Variants in GDPD4 observed in about 807,000 individuals in gnomAD.
The protein encoded by GDPD4 is glycerophosphodiester phosphodiesterase domain containing 4.
In GDPD4, 60 loss-of-function variants were observed where a neutral mutation model predicts 67.8. The observed-to-expected ratio is 0.88, with a 90% CI of 0.72 to 1.10. The LOEUF is 1.10. GDPD4 is among the 50% of genes least tolerant of loss of function. The pLI, the probability that GDPD4 is intolerant of heterozygous loss-of-function variation, is 0.00. For synonymous variants in GDPD4, 212 were observed against 210.9 expected (o/e 1.00, Z -0.04); for missense variants, 623 against 613.9 (o/e 1.01, Z -0.16).
chr11:77,228,823 A>G (rs1253409430), intron 15 of GDPD4, among the ~76,000 whole-genome samples: 6 of 152,350 alleles, frequency 3.9e-5, no homozygotes, highest in Non-Finnish European at 5.9e-5. Flanking sequence ...GCACACTGCT[A>G]TGCCATTTCA....
intron 16 of GDPD4, among the ~76,000 whole-genome samples, chr11:77,218,758 A>G (rs1302575217): frequency 1.3e-5 from 2 of 152,168 alleles, no homozygotes; most frequent in Non-Finnish European, 2.9e-5. Context: ...CATGGTGTAT[A>G]TGTGCTACAT....
rs1433810270 is a variant in GDPD4, at chr11:77,276,012, T to C, written c.207+149A>G. On this transcript the variant is annotated intron_variant, in intron 5 of 16. Transcript: ENST00000315938. ...TTAGAAATTTAATTATTTCAGTTAA[T>C]ATGGTGTAAGTAAATCTCTTCTCTC... is the stretch of plus-strand genomic sequence containing the variant. The C allele has an allele frequency of 8.2e-6, 5 of 606,908 alleles. No homozygotes were observed. The African/African-American group carries it at 9.2e-5, about 11-fold the overall frequency. The allele number at this position is 606,908 out of a possible 1,614,324, so 37.6% of individuals were successfully genotyped here. A position where few individuals can be genotyped will look rare whatever the true frequency, so the allele number is the denominator to read the frequency against.
intron 11 of GDPD4, among the ~76,000 whole-genome samples, chr11:77,253,015 A>G (rs1591549207): frequency 1.3e-5 from 2 of 152,180 alleles, no homozygotes; most frequent in East Asian, 3.8e-4. Context: ...AAATGTTTAC[A>G]TTGGCAGAGT....
chr11:77,252,757 C>T (rs1958931699), intron 11 of GDPD4, among the ~76,000 whole-genome samples: 1 of 152,160 alleles, frequency 6.6e-6, no homozygotes, highest in Admixed American at 6.5e-5. Context: ...GGTATAGTCT[C>T]TGTGCAGCTT....
intron 16 of GDPD4, among the ~76,000 whole-genome samples, chr11:77,220,903 G>A (rs913409167): frequency 6.6e-6 from 1 of 152,170 alleles, no homozygotes; most frequent in Non-Finnish European, 1.5e-5. Context: ...GGTCTATTCA[G>A]GGATTCAACT....
rs1366919707 is a variant in GDPD4, at chr11:77,285,119, T to G, written c.19A>C (p.Ile7Leu). 10 of 1,612,654 alleles carry G rather than the reference T, an allele frequency of 6.2e-6. No individual in the cohort carries two copies. Among genetic ancestry groups the G allele is most frequent in the Non-Finnish European group, 8.5e-6 (10 of 1,178,804 alleles). Residue 7 changes from isoleucine (I) to leucine (L), a missense_variant, in exon 3 of 17, where the codon ATA becomes CTA. Coordinates refer to ENST00000315938, the MANE Select transcript of GDPD4 (RefSeq NM_182833.3). Reference protein sequence around the residue: MLLFLWIETSSEYFNFD... With the variant: MLLFLWLETSSEYFNFD... ...TTAAAGTATTCACTGGATGTTTCTA[T>G]CCACAGGAACAGCAACATCAGAGAC...
chr11:77,297,405 T>G (rs1938010064), intron 1 of GDPD4, among the ~76,000 whole-genome samples: 2 of 151,238 alleles, frequency 1.3e-5, no homozygotes, highest in Admixed American at 1.3e-4. Flanking sequence ...GCGCGGTGGC[T>G]GGTGCCTGTA....
intron 11 of GDPD4, among the ~76,000 whole-genome samples, chr11:77,253,504 G>A (rs1262575395): frequency 1.3e-5 from 2 of 152,178 alleles, no homozygotes; most frequent in Non-Finnish European, 2.9e-5. Context: ...AGACTCTAGG[G>A]AGCTAGTCCA....
chr11:77,261,850 C>T (rs1183099103), intron 10 of GDPD4, among the ~76,000 whole-genome samples: 1 of 152,196 alleles, frequency 6.6e-6, no homozygotes, highest in East Asian at 1.9e-4. Context: ...TTGTGGTATG[C>T]TGACATGCTG....
chr11:77,228,498 T>A (rs1185854987), intron 15 of GDPD4, among the ~76,000 whole-genome samples: 1 of 12,232 alleles, frequency 8.2e-5, no homozygotes, highest in Non-Finnish European at 1.5e-4. Flanking sequence ...AGACTCCGTC[T>A]CAAAAAAAAA....
chr11:77,268,613 G>T, intron 9 of GDPD4, 74 bp from the exon 10 acceptor site: 1 of 1,172,742 alleles, frequency 8.5e-7, no homozygotes, highest in Non-Finnish European at 1.3e-6. Context: ...GGTAGGGGTA[G>T]AGCCCAGTAG....
intron 5 of GDPD4, 46 bp downstream of exon 5, chr11:77,276,115 G>A: frequency 7.0e-7 from 1 of 1,418,526 alleles, no homozygotes. Context: ...CTGGTCTAAG[G>A]TTCAGTCCTG....
At chr11:77,224,049 A>G (rs1482412998) in intron 16 of GDPD4, among the ~76,000 whole-genome samples, 1 of 152,204 alleles carries the variant, frequency 6.6e-6, no homozygotes, top group African/African-American at 2.4e-5. Context: ...ACCGTTGGAA[A>G]AGTGCAGTAT....
intron 11 of GDPD4, among the ~76,000 whole-genome samples, chr11:77,256,517 T>C (rs1288577114): frequency 2.0e-5 from 3 of 152,188 alleles, no homozygotes; most frequent in African/African-American, 4.8e-5. Flanking sequence ...ATTAATACAA[T>C]GAATCTGAAG....
intron 16 of GDPD4, 128 bp downstream of exon 16, chr11:77,227,736 C>T (rs1169915112): frequency 2.0e-6 from 1 of 504,752 alleles, no homozygotes; most frequent in Non-Finnish European, 3.9e-6. Context: ...CCTGGTCCCT[C>T]CCCCAACCCC....
At position 77,234,870 on chromosome 11, in the gene GDPD4, G is replaced by A. The variant is rs900816788; in HGVS notation, c.1242-1698C>T. 3.3e-5 allele frequency among the ~76,000 whole-genome samples: 5 copies of A among 152,036 alleles called. No individual in the cohort carries two copies. The East Asian group carries it at 5.8e-4, about 18-fold the overall frequency. On this transcript the variant is annotated intron_variant, in intron 13 of 16. Transcript: ENST00000315938. Reference sequence around the variant, plus strand: ...TCCTTTGGGTAGATGCCCAGTAATGGGATTGCTGGGTCAAATGGTAGTTAC... The same window carrying A: ...TCCTTTGGGTAGATGCCCAGTAATGAGATTGCTGGGTCAAATGGTAGTTAC...
Position 77,227,797 on chromosome 11 carries a change from G to T in GDPD4, c.1525+67C>A, listed in dbSNP as rs183976044. The stretch of plus-strand genomic sequence containing the variant: ...GCTCTTGTCAGGGACATGAAAAGCT[G>T]CCTCTGTCTCCTGGAAGCAATGGGT... On this transcript the variant is annotated intron_variant, in intron 16 of 16. Transcript: ENST00000315938. The T allele has an allele frequency of 2.7e-4, 310 of 1,164,504 alleles. 2 individuals carry two copies. The African/African-American group carries it at 4.0e-3, about 15-fold the overall frequency. 72.1% of individuals were successfully genotyped at this position (1,164,504 alleles called of 1,614,324 possible). A position where few individuals can be genotyped will look rare whatever the true frequency, so the allele number is the denominator to read the frequency against.
intron 5 of GDPD4, among the ~76,000 whole-genome samples, chr11:77,273,820 C>T (rs2135876255): frequency 6.6e-6 from 1 of 152,314 alleles, no homozygotes; most frequent in Non-Finnish European, 1.5e-5. Flanking sequence ...ACGGTATCAC[C>T]TATGATCAGC....
chr11:77,221,958 G>A (rs1254487607), intron 16 of GDPD4, among the ~76,000 whole-genome samples: 2 of 152,164 alleles, frequency 1.3e-5, no homozygotes, highest in African/African-American at 4.8e-5. Context: ...AGCTCTTGTT[G>A]AATTGATCCC....
Sources: allele counts gnomAD v4.1 joint callset (sites outside exome capture counted in the v4.1 genomes callset), GRCh38; gene constraint gnomAD v4.1.1; transcripts MANE v1.5; gene names NCBI Gene and HGNC (gene_info 2026-07-23, HGNC 2026-07-21).